EPHB2: variants seen among roughly 807,000 people sequenced by gnomAD.
The protein encoded by EPHB2 is ephrin type-B receptor 2.
Under a neutral mutation model 96.4 loss-of-function variants are expected in EPHB2, and 18 were observed. The ratio of observed to expected loss-of-function variants is 0.19; its 90% CI spans 0.13 to 0.28. The LOEUF is 0.28. Ranked by LOEUF, EPHB2 falls within the 10% of genes least tolerant of loss-of-function variation. EPHB2 has a pLI of 1.00. For synonymous variants in EPHB2, 506 were observed against 534.1 expected, an observed-to-expected ratio of 0.95 and a Z score of 0.72; for missense variants, 989 against 1,355.4, an observed-to-expected ratio of 0.73 and a Z score of 4.25.
intron 3 of EPHB2, among the ~76,000 whole-genome samples, chr1:22,861,587 T>A (rs1448939113): frequency 6.6e-6 from 1 of 152,130 alleles, no homozygotes; most frequent in Admixed American, 6.5e-5. Flanking sequence ...CAGACATGGC[T>A]CTGATCCTGG....
At chr1:22,810,764 C>A (rs1329262172) in intron 3 of EPHB2, among the ~76,000 whole-genome samples, 4 of 152,032 alleles carry the variant, frequency 2.6e-5, no homozygotes, top group Non-Finnish European at 5.9e-5. Flanking sequence ...CAGGCCCCAT[C>A]TGATTCCTTG....
intron 3 of EPHB2, among the ~76,000 whole-genome samples, chr1:22,823,987 G>A (rs1273101313): frequency 1.3e-5 from 2 of 152,220 alleles, no homozygotes; most frequent in Non-Finnish European, 2.9e-5. Context: ...TTCACTGGCT[G>A]GACAGGTAAA....
intron 3 of EPHB2, among the ~76,000 whole-genome samples, chr1:22,797,656 C>G (rs1026688209): frequency 6.6e-6 from 1 of 152,160 alleles, no homozygotes; most frequent in African/African-American, 2.4e-5. Context: ...TCCCACCCTG[C>G]CTCCTCCAGT....
At chr1:22,890,984 G>A (rs1279035165) in intron 6 of EPHB2, 4 of 431,274 alleles carry the variant, frequency 9.3e-6, no homozygotes, top group South Asian at 6.6e-5. Flanking sequence ...CATGAGAAGG[G>A]ACTAATGCAG....
intron 3 of EPHB2, among the ~76,000 whole-genome samples, chr1:22,854,011 G>A (rs1645663854): frequency 6.6e-6 from 1 of 152,260 alleles, no homozygotes; most frequent in South Asian, 2.1e-4. Flanking sequence ...GCAGACAGGA[G>A]GAACCTGGGC....
At chr1:22,889,961 T>C (rs1639340762) in intron 6 of EPHB2, among the ~76,000 whole-genome samples, 1 of 152,242 alleles carries the variant, frequency 6.6e-6, no homozygotes, top group Non-Finnish European at 1.5e-5. Context: ...TATTTGTGTT[T>C]GCTAAATCTG....
At chr1:22,901,820 A>AGTGTGAGTGTGTGTGT (rs1553176896) in intron 9 of EPHB2, among the ~76,000 whole-genome samples, 15 of 148,574 alleles carry the variant, frequency 1.0e-4, no homozygotes, top group African/African-American at 3.7e-4. Context: ...TGTGTGTGTG[A>AGTGTGAGTGTGTGTGT]GTGTGTGTGT....
chr1:22,732,558 C>T (rs1643742182), intron 1 of EPHB2, among the ~76,000 whole-genome samples: 1 of 152,208 alleles, frequency 6.6e-6, no homozygotes, highest in Admixed American at 6.5e-5. Flanking sequence ...CAGATATACA[C>T]ACGCACACGA....
At position 22,801,136 on chromosome 1, in the gene EPHB2, C is replaced by T. The variant is rs542225360; in HGVS notation, c.811+16060C>T. 4.6e-5 allele frequency among the ~76,000 whole-genome samples: 7 copies of T among 152,332 alleles called. No homozygotes were observed. In the East Asian group the frequency reaches 1.4e-3, roughly 29 times the overall value. ...GGCCATTTCCCGTCATTTCCTGAGC[C>T]TCGGGTTCCTCCTCTGCCCGATAGG... On this transcript the variant is annotated intron_variant, in intron 3 of 15. Transcript: ENST00000374630.
Position 22,864,901 on chromosome 1 carries a change from T to C in EPHB2, c.992T>C (p.Val331Ala). 1.9e-6 allele frequency: 3 copies of C among 1,602,112 alleles called. No individual in the cohort carries two copies. The highest frequency in any genetic ancestry group is 2.6e-6 in the Non-Finnish European group (3 of 1,174,174). ...GCCATCCCCTCCGCGCCCCAGGCTG[T>C]GATTTCCAGTGTCAATGAGACCTCC... is the stretch of plus-strand genomic sequence containing the variant. ...CTTIPSAPQA[V>A]ISSVNETSLM... is the part of the protein sequence containing the mutation. Residue 331 changes from valine to alanine, a missense_variant, in exon 5 of 16, where the codon GTG (valine) becomes GCG (alanine). By Grantham distance (64) the Val-to-Ala change is moderately conservative (BLOSUM62 0). Coordinates refer to ENST00000374630, the MANE Select transcript of EPHB2 (RefSeq NM_017449.5).
At chr1:22,753,363 C>T (rs1435353939) in intron 1 of EPHB2, among the ~76,000 whole-genome samples, 1 of 152,202 alleles carries the variant, frequency 6.6e-6, no homozygotes, top group East Asian at 1.9e-4. Context: ...CATCCTGGCC[C>T]GTGCTGGACA....
At chr1:22,712,263 C>T (rs1643171255) in intron 1 of EPHB2, among the ~76,000 whole-genome samples, 1 of 152,116 alleles carries the variant, frequency 6.6e-6, no homozygotes. Flanking sequence ...CACCCAGGGC[C>T]GTTGGGTGAC....
At chr1:22,719,424 T>G (rs144411375) in intron 1 of EPHB2, 16 of 154,394 alleles carry the variant, frequency 1.0e-4, no homozygotes, top group Non-Finnish European at 2.1e-4. Flanking sequence ...TTCTGGCGTT[T>G]CTGAAAAGTC....
chr1:22,717,443 G>A (rs1296617867), intron 1 of EPHB2, among the ~76,000 whole-genome samples: 1 of 152,194 alleles, frequency 6.6e-6, no homozygotes, highest in Non-Finnish European at 1.5e-5. Flanking sequence ...CCCTCACTAG[G>A]TGAGCTTCCT....
At position 22,733,784 on chromosome 1, in the gene EPHB2, C is replaced by T. The variant is rs968211915; in HGVS notation, c.61+22741C>T. Among the ~76,000 whole-genome samples the T allele has an allele frequency of 2.0e-5, 3 of 152,126 alleles. No individual in the cohort carries two copies. The highest frequency in any genetic ancestry group is 4.8e-5 in the African/African-American group (2 of 41,430). The stretch of plus-strand genomic sequence containing the variant: ...TCAGGCTGGTATGATTTGGTGGGGA[C>T]AGAGCTAGAAGTTGAACCCGGGACT... On this transcript the variant is annotated intron_variant, in intron 1 of 15. Transcript: ENST00000374630. This position sits in a 1 kb window ranked among gnomAD's most constrained non-coding sequence, Gnocchi z 4.6.
At chr1:22,856,828 A>G (rs747286317) in intron 3 of EPHB2, among the ~76,000 whole-genome samples, 2 of 152,228 alleles carry the variant, frequency 1.3e-5, no homozygotes, top group Admixed American at 1.3e-4. Flanking sequence ...TTGTCATTCC[A>G]TGCTGGATGA....
At chr1:22,725,687 T>C (rs891162272) in intron 1 of EPHB2, among the ~76,000 whole-genome samples, 5 of 152,202 alleles carry the variant, frequency 3.3e-5, no homozygotes, top group Non-Finnish European at 7.3e-5. Flanking sequence ...AGTGAATTTC[T>C]GTAAAGTAAA....
intron 1 of EPHB2, among the ~76,000 whole-genome samples, chr1:22,732,561 G>C (rs558257564): frequency 6.6e-6 from 1 of 152,058 alleles, no homozygotes; most frequent in East Asian, 1.9e-4. Context: ...ATATACACAC[G>C]CACACGAATG....
chr1:22,781,915 G>A (rs1292154901), intron 2 of EPHB2, among the ~76,000 whole-genome samples: 2 of 152,164 alleles, frequency 1.3e-5, no homozygotes, highest in African/African-American at 4.8e-5. Flanking sequence ...TCAGAAAGGT[G>A]TAGCCACCTG....
Sources: gnomAD v4.1 joint callset for allele counts (sites outside exome capture counted in the v4.1 genomes callset) on GRCh38, gnomAD v4.1.1 for gene constraint, Gnocchi (gnomAD v3.1) non-coding constraint, MANE v1.5 for transcripts, NCBI Gene and HGNC (gene_info 2026-07-23, HGNC 2026-07-21) for gene names.